The following PPP1R37 variants were observed in gnomAD, a reference collection of about 807,000 sequenced individuals.
PPP1R37 encodes protein phosphatase 1 regulatory subunit 37.
PPP1R37 carries 21 observed loss-of-function variants against 61.0 expected under a neutral mutation model. The observed-to-expected ratio is 0.34, with a 90% confidence interval of 0.24 to 0.50. The LOEUF is 0.50. Ranked by LOEUF, PPP1R37 falls within the 20% of genes least tolerant of loss-of-function variation. PPP1R37 has a pLI of 0.98. For synonymous variants in PPP1R37, 443 were observed against 433.5 expected, an observed-to-expected ratio of 1.02 and a Z score of -0.27; for missense variants, 910 against 952.7, an observed-to-expected ratio of 0.96 and a Z score of 0.59.
chr19:45,108,283 G>A (rs1000010832), intron 1 of PPP1R37, among the ~76,000 whole-genome samples: 1 of 152,032 alleles, frequency 6.6e-6, no homozygotes, highest in Non-Finnish European at 1.5e-5. Flanking sequence ...GATCTTGGCT[G>A]ACTGCAAACT....
At chr19:45,111,724 GC>G (rs1193347134) in intron 1 of PPP1R37, among the ~76,000 whole-genome samples, 2 of 151,876 alleles carry the variant, frequency 1.3e-5, no homozygotes, top group African/African-American at 2.4e-5. Flanking sequence ...GGTGGAGGGA[GC>G]CCACTGTCCT....
chr19:45,119,385 T>C (rs1968311352), intron 1 of PPP1R37, among the ~76,000 whole-genome samples: 1 of 152,172 alleles, frequency 6.6e-6, no homozygotes, highest in African/African-American at 2.4e-5. Context: ...ACTCCTGACC[T>C]CAGGTGATCT....
Position 45,130,427 on chromosome 19 carries a change from C to G in PPP1R37, c.203-8087C>G, listed in dbSNP as rs76419603. Among the ~76,000 whole-genome samples the G allele has an allele frequency of 1.4e-4, 21 of 152,264 alleles. No homozygotes were observed. Among genetic ancestry groups the G allele is most frequent in the African/African-American group, 4.8e-4 (20 of 41,550 alleles). On this transcript the variant is annotated intron_variant, in intron 1 of 12. Transcript: ENST00000221462. The surrounding 1 kb of genome is among the most constrained non-coding windows in gnomAD (Gnocchi z 4.4). The stretch of plus-strand genomic sequence containing the variant: ...CACATCATCCCCAGTGCTCCCCTCC[C>G]GGTGTGCTTTGGCGCCGAGCCTGCT...
Position 45,098,851 on chromosome 19 carries a change from C to T in PPP1R37, c.202+5324C>T, listed in dbSNP as rs186322064. Among the ~76,000 whole-genome samples the T allele has an allele frequency of 5.1e-4, 78 of 152,142 alleles. 1 individual carries two copies. In the East Asian group the frequency reaches 0.014, roughly 27 times the overall value. On this transcript the variant is annotated intron_variant, in intron 1 of 12. Coordinates refer to ENST00000221462, the MANE Select transcript of PPP1R37 (RefSeq NM_019121.2). Reference sequence around the variant, plus strand: ...TGGGGAGTAGGGAACAGGGTCGAGGCGGGTGCTTTGATGCATCTGCTCAGA... The same window carrying T: ...TGGGGAGTAGGGAACAGGGTCGAGGTGGGTGCTTTGATGCATCTGCTCAGA...
chr19:45,110,953 C>T (rs939377572), intron 1 of PPP1R37, among the ~76,000 whole-genome samples: 1 of 152,202 alleles, frequency 6.6e-6, no homozygotes, highest in African/African-American at 2.4e-5. Context: ...TGAATGTCTA[C>T]CGATGAGTGC....
intron 1 of PPP1R37, among the ~76,000 whole-genome samples, chr19:45,106,751 T>C (rs1020298402): frequency 1.3e-5 from 2 of 150,740 alleles, no homozygotes; most frequent in Admixed American, 1.3e-4. Context: ...ACCGGGTTGC[T>C]CAGGCTTCGT....
At chr19:45,141,928 C>T in intron 5 of PPP1R37, 133 bp from the exon 6 acceptor site, 2 of 1,004,070 alleles carry the variant, frequency 2.0e-6, no homozygotes, top group Non-Finnish European at 2.8e-6. Context: ...CAGACGACAG[C>T]TGTGGCTTCG....
rs1968677669 is a variant in PPP1R37 at position 45,145,432 on chromosome 19, G to A, written c.1376G>A (p.Arg459Gln). Residue 459 changes from arginine to glutamine, a missense_variant, in exon 11 of 13, where the codon CGG becomes CAG. Coordinates refer to ENST00000221462, the MANE Select transcript of PPP1R37 (RefSeq NM_019121.2). Reference protein sequence around the residue: ...NGCKRNLVLAREREEKEQPPQ... With the variant: ...NGCKRNLVLAQEREEKEQPPQ... ...TGCAAGCGCAACTTGGTGCTGGCGCGGGAGAGGGAGGAGAAGGAGCAGCCG... is the reference window on the plus strand; with the variant it reads ...TGCAAGCGCAACTTGGTGCTGGCGCAGGAGAGGGAGGAGAAGGAGCAGCCG... 9 of 1,535,346 alleles carry A rather than the reference G, an allele frequency of 5.9e-6. No individual in the cohort carries two copies. The highest frequency in any genetic ancestry group is 7.8e-6 in the Non-Finnish European group (9 of 1,146,636).
At chr19:45,141,544 A>C in intron 5 of PPP1R37, 103 bp downstream of exon 5, 1 of 1,392,366 alleles carries the variant, frequency 7.2e-7, no homozygotes, top group Non-Finnish European at 9.6e-7. Context: ...TGAGCTCTTG[A>C]GTGTGGGCTG....
chr19:45,095,227 G>A (rs1168159338), intron 1 of PPP1R37, among the ~76,000 whole-genome samples: 2 of 152,058 alleles, frequency 1.3e-5, no homozygotes, highest in South Asian at 2.1e-4. Context: ...TCCCTCTGTC[G>A]CCCAGGCCAA....
intron 1 of PPP1R37, among the ~76,000 whole-genome samples, chr19:45,107,668 G>A (rs1968149785): frequency 6.6e-6 from 1 of 152,208 alleles, no homozygotes; most frequent in Non-Finnish European, 1.5e-5. Context: ...CTATATACGT[G>A]TATCCCGGAT....
chr19:45,116,011 C>G (rs1317323623), intron 1 of PPP1R37, among the ~76,000 whole-genome samples: 1 of 151,604 alleles, frequency 6.6e-6, no homozygotes, highest in Non-Finnish European at 1.5e-5. Flanking sequence ...CATGGGGGGA[C>G]TCGGGTGCTT....
rs1208149033 is a variant in PPP1R37, at chr19:45,140,248, C to T, written c.313C>T (p.Leu105Phe). The T allele has an allele frequency of 5.2e-6, 8 of 1,535,990 alleles. No individual in the cohort carries two copies. In the African/African-American group the frequency reaches 1.1e-4, roughly 21 times the overall value. ...LLRQLQEFTD[L>F]GHRLDCLDLK... ...TCTACTTTCTCAGGAATTCACAGAC[C>T]TCGGGCACCGCCTCGACTGTCTGGA... Residue 105 changes from leucine to phenylalanine, a missense_variant, in exon 3 of 13, where the codon CTC (leucine) becomes TTC (phenylalanine). Physicochemically the swap from Leu to Phe is conservative, Grantham distance 22. Transcript: ENST00000221462.
In PPP1R37 at chr19:45,145,383, C is replaced by T. The variant is rs927537632; in HGVS notation, c.1327C>T (p.Leu443=). Residue 443 remains leucine (L), a synonymous_variant, in exon 11 of 13, where the codon CTG becomes TTG. Coordinates refer to ENST00000221462, the MANE Select transcript of PPP1R37 (RefSeq NM_019121.2). ...GAGCTTCATCGAGACGCAGAAGGCG[C>T]TGCTGGCCGAGATCCAGAACGGCTG... ...VKSFIETQKA[L]LAEIQNGCKR... is the part of the protein sequence containing the mutation. 2.0e-6 allele frequency: 3 copies of T among 1,535,360 alleles called. No individual in the cohort carries two copies. Among genetic ancestry groups the T allele is most frequent in the Non-Finnish European group, 2.6e-6 (3 of 1,146,580 alleles).
rs1230809334 is a variant in PPP1R37 at position 45,145,828 on chromosome 19, C to T, written c.1772C>T (p.Ser591Phe). The T allele has an allele frequency of 3.3e-6, 4 of 1,228,372 alleles. No individual in the cohort carries two copies. The highest frequency in any genetic ancestry group is 3.3e-6 in the Non-Finnish European group (3 of 907,530). The allele number at this position is 1,228,372 out of a possible 1,614,324, so 76.1% of individuals were successfully genotyped here. The change falls in exon 11 of 13, where the codon TCT becomes TTT. Residue 591 changes from serine to phenylalanine, a missense_variant. Ser to Phe is a radical substitution (Grantham distance 155, BLOSUM62 -2). Transcript: ENST00000221462. Reference protein sequence around the residue: ...AEPPASPTPPSPPPPPSPPAS... With the variant: ...AEPPASPTPPFPPPPPSPPAS... ...CCCCCTGCGTCCCCCACCCCTCCCT[C>T]TCCCCCACCCCCTCCCTCCCCACCC...
chr19:45,110,341 C>T (rs1830181701), intron 1 of PPP1R37, among the ~76,000 whole-genome samples: 1 of 151,986 alleles, frequency 6.6e-6, no homozygotes, highest in Admixed American at 6.6e-5. Context: ...GTCTTAAATT[C>T]CTGGGCTCAA....
In PPP1R37 at chr19:45,093,455, A is replaced by C; in HGVS notation, c.130A>C (p.Lys44Gln). The C allele has an allele frequency of 6.5e-7, 1 of 1,535,542 alleles. No individual in the cohort carries two copies. ...PADGRLKAAA[K>Q]RVTFPSDEDI... Reference sequence around the variant, plus strand: ...CGATGGGCGCCTCAAGGCTGCAGCCAAGCGCGTCACATTCCCGTCCGACGA... The same window carrying C: ...CGATGGGCGCCTCAAGGCTGCAGCCCAGCGCGTCACATTCCCGTCCGACGA... The change falls in exon 1 of 13, where the codon AAG (lysine) becomes CAG (glutamine). Residue 44 changes from lysine to glutamine, a missense_variant. Lys to Gln is a moderately conservative substitution (Grantham distance 53). Around this residue, in one of 3 missense-constraint regions of PPP1R37, gnomAD observed 81 missense variants for 65.4 expected, o/e 1.24. Transcript: ENST00000221462.
intron 1 of PPP1R37, among the ~76,000 whole-genome samples, chr19:45,115,517 G>C (rs1450690447): frequency 6.6e-6 from 1 of 152,198 alleles, no homozygotes; most frequent in Non-Finnish European, 1.5e-5. Flanking sequence ...TGGAGCCATA[G>C]ACTGCTCAGG....
In PPP1R37 at chr19:45,121,943, G is replaced by A. The variant is rs754513726; in HGVS notation, c.203-16571G>A. Among the ~76,000 whole-genome samples, 9 of 152,232 alleles carry A rather than the reference G, an allele frequency of 5.9e-5. No homozygotes were observed. Among genetic ancestry groups the A allele is most frequent in the Non-Finnish European group, 1.2e-4 (8 of 68,032 alleles). On this transcript the variant is annotated intron_variant, in intron 1 of 12. Coordinates refer to ENST00000221462, the MANE Select transcript of PPP1R37 (RefSeq NM_019121.2). The surrounding 1 kb of genome is among the most constrained non-coding windows in gnomAD (Gnocchi z 4.2). ...AGGCGGGAGTGAGGATGGTCTCCAC[G>A]TGGGCAGTGTAGACGTGTGGTTTTG...
Sources: gnomAD v4.1 joint callset for allele counts (sites outside exome capture counted in the v4.1 genomes callset) on GRCh38, gnomAD v4.1.1 for gene constraint, gnomAD v4.1.1 regional missense constraint, Gnocchi (gnomAD v3.1) non-coding constraint, MANE v1.5 for transcripts, NCBI Gene and HGNC (gene_info 2026-07-23, HGNC 2026-07-21) for gene names.